Variants in BID observed in about 807,000 individuals in gnomAD.
BID encodes BH3 interacting domain death agonist, also known as BH3-interacting domain death agonist.
Under a neutral mutation model 17.4 loss-of-function variants are expected in BID, and 19 were observed. That is an observed-to-expected ratio of 1.09 (90% CI 0.76 to 1.60). BID has a LOEUF of 1.60. Ranked by LOEUF, BID falls within the 40% of genes most tolerant of loss-of-function variation. The probability of loss-of-function intolerance (pLI) is 0.00; values close to 1 mark genes in which losing one functional copy is unlikely to be tolerated. For synonymous variants in BID, 108 were observed against 102.8 expected (o/e 1.05, Z -0.31); for missense variants, 226 against 256.0 (o/e 0.88, Z 0.80).
At position 17,773,776 on chromosome 22, in the gene BID, G is replaced by A. The variant is rs8190272; in HGVS notation, c.-59+605C>T. 969 of 1,292,640 alleles carry A rather than the reference G, an allele frequency of 7.5e-4. 16 individuals are homozygous for A. In the South Asian group the frequency reaches 0.011, roughly 15 times the overall value. 80.1% of individuals were successfully genotyped at this position (1,292,640 alleles called of 1,614,324 possible). ...TCAGAGCTCTCCCAGGGTCCCCTGGGGTCATTCAGCCACTCAACAGTTTCC... is the reference window on the plus strand; with the variant it reads ...TCAGAGCTCTCCCAGGGTCCCCTGGAGTCATTCAGCCACTCAACAGTTTCC... On this transcript the variant is annotated intron_variant, in intron 1 of 5. Coordinates refer to ENST00000622694, the MANE Select transcript of BID (RefSeq NM_001196.4). This position sits in a 1 kb window ranked among gnomAD's most constrained non-coding sequence, Gnocchi z 4.4.
At chr22:17,738,730 GC>G (rs1238617810) in intron 4 of BID, among the ~76,000 whole-genome samples, 2 of 152,170 alleles carry the variant, frequency 1.3e-5, no homozygotes, top group African/African-American at 4.8e-5. Flanking sequence ...TCACAGGCTG[GC>G]CCCACTGAAC....
At position 17,773,658 on chromosome 22, in the gene BID, C is replaced by A. The variant is rs750118574; in HGVS notation, c.-59+723G>T. 1.2e-6 allele frequency: 2 copies of A among 1,611,524 alleles called. No homozygotes were observed. Among genetic ancestry groups the A allele is most frequent in the Non-Finnish European group, 1.7e-6 (2 of 1,179,988 alleles). ...GCCGGCCCGGCCCCTCGCTGCCCAC[C>A]GAGCCATCATGACCCCAGCACCGCT... On this transcript the variant is annotated intron_variant, in intron 1 of 5. Transcript: ENST00000622694. This position sits in a 1 kb window ranked among gnomAD's most constrained non-coding sequence, Gnocchi z 4.4.
At chr22:17,763,063 G>C (rs1236727918) in intron 1 of BID, among the ~76,000 whole-genome samples, 1 of 151,790 alleles carries the variant, frequency 6.6e-6, no homozygotes, top group Admixed American at 6.6e-5. Context: ...TTTTAGTAGA[G>C]ATGAGGTTTC....
In BID at chr22:17,773,679, C is replaced by A. The variant is rs780095032; in HGVS notation, c.-59+702G>T. On this transcript the variant is annotated intron_variant, in intron 1 of 5. Coordinates refer to ENST00000622694, the MANE Select transcript of BID (RefSeq NM_001196.4). The surrounding 1 kb of genome is among the most constrained non-coding windows in gnomAD (Gnocchi z 4.4). ...CCACCGAGCCATCATGACCCCAGCA[C>A]CGCTGCACATTCGTATTTGTTGAAT... 1.2e-6 allele frequency: 2 copies of A among 1,610,618 alleles called. No individual in the cohort carries two copies. The highest frequency in any genetic ancestry group is 8.5e-7 in the Non-Finnish European group (1 of 1,179,930).
chr22:17,739,217 T>G (rs1332839370), intron 4 of BID, 132 bp downstream of exon 4: 19 of 1,216,732 alleles, frequency 1.6e-5, no homozygotes, highest in Non-Finnish European at 2.0e-5. Context: ...GTCCAGTTAC[T>G]TCGTCAGAGT....
At position 17,773,820 on chromosome 22, in the gene BID, T is replaced by A; in HGVS notation, c.-59+561A>T. 1.1e-6 allele frequency: 1 copy of A among 880,502 alleles called. No individual in the cohort carries two copies. Among genetic ancestry groups the A allele is most frequent in the Non-Finnish European group, 1.8e-6 (1 of 567,452 alleles). 54.5% of individuals were successfully genotyped at this position (880,502 alleles called of 1,614,324 possible). Reference sequence around the variant, plus strand: ...AGTTTCCCAGCAGCAGCAGCGAGGATCCGCACATCATTGCCAGTGCTCTAA... The same window carrying A: ...AGTTTCCCAGCAGCAGCAGCGAGGAACCGCACATCATTGCCAGTGCTCTAA... On this transcript the variant is annotated intron_variant, in intron 1 of 5. Transcript: ENST00000622694. The surrounding 1 kb of genome is among the most constrained non-coding windows in gnomAD (Gnocchi z 4.4).
At chr22:17,770,313 T>C (rs1402486448) in intron 1 of BID, among the ~76,000 whole-genome samples, 4 of 152,226 alleles carry the variant, frequency 2.6e-5, no homozygotes, top group African/African-American at 9.6e-5. Flanking sequence ...CTTCCCCGTC[T>C]GTAAAAGGGG....
At chr22:17,742,470 T>TCCCCCCCCCCCCCCCCCC (rs1158334746) in intron 3 of BID, among the ~76,000 whole-genome samples, 2 of 121,246 alleles carry the variant, frequency 1.6e-5, no homozygotes, top group African/African-American at 6.6e-5. Context: ...CTCAGACACC[T>TCCCCCCCCCCCCCCCCCC]CCCCCCACCC....
chr22:17,761,898 T>C (rs956798206), intron 1 of BID, among the ~76,000 whole-genome samples: 5 of 152,190 alleles, frequency 3.3e-5, no homozygotes, highest in Non-Finnish European at 5.9e-5. Flanking sequence ...CTTCACTATG[T>C]TTTTTGTCAT....
At chr22:17,755,186 G>A (rs551019958) in intron 1 of BID, among the ~76,000 whole-genome samples, 5 of 146,442 alleles carry the variant, frequency 3.4e-5, no homozygotes, top group Non-Finnish European at 7.4e-5. Flanking sequence ...CCAGGTTCAC[G>A]CCATTCTCCT....
chr22:17,764,596 G>A (rs1380488304), intron 1 of BID, among the ~76,000 whole-genome samples: 3 of 152,212 alleles, frequency 2.0e-5, no homozygotes, highest in Non-Finnish European at 4.4e-5. Flanking sequence ...ACATTTCTAG[G>A]AAAAATAATT....
chr22:17,747,927 T>C (rs1305080297), intron 2 of BID, among the ~76,000 whole-genome samples: 10 of 142,712 alleles, frequency 7.0e-5, no homozygotes. Flanking sequence ...AATACAAAAA[T>C]TAGCCAGGTG....
Position 17,735,515 on chromosome 22 carries a change from T to C in BID, c.*65A>G. ...TGACATGCCAGGGCTCCGTCTACAC[T>C]GGAAGCAGCTATACAGCTGTGACCA... On this transcript the variant is annotated 3_prime_UTR_variant, in exon 6 of 6. Transcript: ENST00000622694. The C allele has an allele frequency of 6.2e-7, 1 of 1,604,762 alleles. No individual in the cohort carries two copies. The highest frequency in any genetic ancestry group is 1.1e-5 in the South Asian group (1 of 90,870).
intron 2 of BID, among the ~76,000 whole-genome samples, chr22:17,747,178 G>A (rs1371199385): frequency 6.6e-6 from 1 of 152,230 alleles, no homozygotes; most frequent in Non-Finnish European, 1.5e-5. Context: ...TGTGTGGACA[G>A]GCTCCTGTCT....
chr22:17,755,312 C>T (rs1039921857), intron 1 of BID, among the ~76,000 whole-genome samples: 7 of 152,104 alleles, frequency 4.6e-5, no homozygotes, highest in African/African-American at 1.4e-4. Flanking sequence ...CAGCATGCTC[C>T]GTGCAGTGCC....
At chr22:17,766,011 C>T (rs2061675499) in intron 1 of BID, among the ~76,000 whole-genome samples, 1 of 152,204 alleles carries the variant, frequency 6.6e-6, no homozygotes, top group Non-Finnish European at 1.5e-5. Context: ...TCACTACAGC[C>T]TCAACCTCCC....
intron 3 of BID, chr22:17,740,256 A>G: frequency 1.6e-6 from 2 of 1,268,512 alleles, no homozygotes; most frequent in South Asian, 1.3e-5. Flanking sequence ...CACTTAATAC[A>G]TGGCACTCAG....
At chr22:17,772,277 C>G (rs1365536235) in intron 1 of BID, among the ~76,000 whole-genome samples, 1 of 152,244 alleles carries the variant, frequency 6.6e-6, no homozygotes, top group Non-Finnish European at 1.5e-5. Flanking sequence ...GGCGGTCCGC[C>G]AGGTATGGCA....
At position 17,743,855 on chromosome 22, in the gene BID, C is replaced by T; in HGVS notation, c.171G>A (p.Leu57=). The change falls in exon 3 of 6, where the codon CTG becomes CTA. Residue 57 remains leucine (L), a synonymous_variant. Transcript: ENST00000622694. ...GGCTGCTGCGGTTGCCATCAGTCTG[C>T]AGCTCATCGTAGCCCTCCCACTGGG... is the stretch of plus-strand genomic sequence containing the variant. ...LAPQWEGYDE[L]QTDGNRSSHS... is the part of the protein sequence containing the mutation. 1.2e-6 allele frequency: 2 copies of T among 1,612,898 alleles called. No homozygotes were observed.
Sources: gnomAD v4.1 joint callset for allele counts (sites outside exome capture counted in the v4.1 genomes callset) on GRCh38, gnomAD v4.1.1 for gene constraint, Gnocchi (gnomAD v3.1) non-coding constraint, MANE v1.5 for transcripts, NCBI Gene and HGNC (gene_info 2026-07-23, HGNC 2026-07-21) for gene names.